The following PCDHA5 variants were observed in gnomAD, a reference collection of about 807,000 sequenced individuals.
PCDHA5 encodes the protein protocadherin alpha 5.
In PCDHA5, 43 loss-of-function variants were observed where a neutral mutation model predicts 61.6. The ratio of observed to expected loss-of-function variants is 0.70; its 90% CI spans 0.55 to 0.90. PCDHA5 has a LOEUF of 0.90. Ranked by LOEUF, PCDHA5 falls within the 40% of genes least tolerant of loss-of-function variation. PCDHA5 has a pLI of 0.00. For synonymous variants in PCDHA5, 627 were observed against 543.9 expected (o/e 1.15, Z -2.13); for missense variants, 1,298 against 1,222.7 (o/e 1.06, Z -0.92).
intron 1 of PCDHA5, chr5:140,850,986 T>C (rs2041915451): frequency 6.9e-7 from 1 of 1,450,124 alleles, no homozygotes; most frequent in South Asian, 1.6e-5. Context: ...TTTATTCATT[T>C]TTCTAGAAAT....
Position 140,855,963 on chromosome 5 carries a change from A to T in PCDHA5, c.2352+31836A>T, listed in dbSNP as rs1291137660. The stretch of plus-strand genomic sequence containing the variant: ...TCTCAGCCATTTCGATAAAAAATAG[A>T]TATAAGAAATAGGACAGAAAATGTC... On this transcript the variant is annotated intron_variant, in intron 1 of 3. Transcript: ENST00000529859. The T allele has an allele frequency of 2.8e-6, 4 of 1,404,280 alleles. No individual in the cohort carries two copies. In the African/African-American group the frequency reaches 5.7e-5, roughly 20 times the overall value. The allele number at this position is 1,404,280 out of a possible 1,614,324, so 87.0% of individuals were successfully genotyped here. A position where few individuals can be genotyped will look rare whatever the true frequency, so the allele number is the denominator to read the frequency against.
intron 3 of PCDHA5, among the ~76,000 whole-genome samples, chr5:140,987,981 ACT>A (rs2153869731): frequency 6.6e-6 from 1 of 152,028 alleles, no homozygotes; most frequent in African/African-American, 2.4e-5. Context: ...CTCCATGGAG[ACT>A]CCATCTCTGA....
chr5:140,957,827 T>C (rs2095387768), intron 1 of PCDHA5, among the ~76,000 whole-genome samples: 1 of 150,810 alleles, frequency 6.6e-6, no homozygotes, highest in Admixed American at 6.7e-5. Flanking sequence ...TAAGAGAAAG[T>C]GTTAATTGAT....
chr5:140,848,761 G>C lies in PCDHA5; in HGVS notation c.2352+24634G>C, dbSNP rs200597765. 1.3e-5 allele frequency: 21 copies of C among 1,593,458 alleles called. No individual in the cohort carries two copies. In the South Asian group the frequency reaches 2.2e-4, roughly 17 times the overall value. On this transcript the variant is annotated intron_variant, in intron 1 of 3. Coordinates refer to ENST00000529859, the MANE Select transcript of PCDHA5 (RefSeq NM_018908.3). Reference sequence around the variant, plus strand: ...AATGGCATTTTGTTTGTGAATTCTCGGATCGACCGCGAGGAGCTGTGCGGG... The same window carrying C: ...AATGGCATTTTGTTTGTGAATTCTCCGATCGACCGCGAGGAGCTGTGCGGG...
rs369786229 is a variant in PCDHA5 at position 140,858,286 on chromosome 5, G to T, written c.2352+34159G>T. ...TGTGCTCTAGCGCGGTGGGGAGCTGGTCTTACTCGCAGCAGAGGCGGCAGA... is the reference window on the plus strand; with the variant it reads ...TGTGCTCTAGCGCGGTGGGGAGCTGTTCTTACTCGCAGCAGAGGCGGCAGA... On this transcript the variant is annotated intron_variant, in intron 1 of 3. Coordinates refer to ENST00000529859, the MANE Select transcript of PCDHA5 (RefSeq NM_018908.3). 5.0e-6 allele frequency: 8 copies of T among 1,597,506 alleles called. 1 individual carries two copies. Among genetic ancestry groups the T allele is most frequent in the Non-Finnish European group, 6.9e-6 (8 of 1,167,336 alleles).
intron 1 of PCDHA5, among the ~76,000 whole-genome samples, chr5:140,941,223 C>CTT (rs1276732463): frequency 3.0e-5 from 4 of 132,446 alleles, no homozygotes; most frequent in African/African-American, 1.2e-4. Context: ...TCCTTTCTTT[C>CTT]TTTCTTTCTT....
rs2150227413 is a variant in PCDHA5 at position 140,834,821 on chromosome 5, G to A, written c.2352+10694G>A. ...GGAATCTGTTCATCGCGGAATCCAG[G>A]CCGCTTGACTCTCGGTTTCCACTAG... On this transcript the variant is annotated intron_variant, in intron 1 of 3. Coordinates refer to ENST00000529859, the MANE Select transcript of PCDHA5 (RefSeq NM_018908.3). 167 of 1,612,344 alleles carry A rather than the reference G, an allele frequency of 1.0e-4. No homozygotes were observed. The East Asian group carries it at 3.7e-3, about 36-fold the overall frequency.
At chr5:140,900,575 C>A (rs994036757) in intron 1 of PCDHA5, among the ~76,000 whole-genome samples, 5 of 152,330 alleles carry the variant, frequency 3.3e-5, no homozygotes, top group African/African-American at 1.2e-4. Flanking sequence ...CGGCACCGGC[C>A]CATTTTCTTT....
intron 1 of PCDHA5, 52 bp from the exon 2 acceptor site, chr5:140,978,897 G>T: frequency 6.2e-7 from 1 of 1,612,776 alleles, no homozygotes; most frequent in Non-Finnish European, 8.5e-7. Context: ...AGCATTCCTG[G>T]GAGAACATTG....
Position 140,918,963 on chromosome 5 carries a change from A to C in PCDHA5, c.2353-59986A>C, listed in dbSNP as rs74470631. ...TAATATCCTGAACAGACTAAGACAGATATCGTTTAGGTTAGTTGGTTTTTA... is the reference window on the plus strand; with the variant it reads ...TAATATCCTGAACAGACTAAGACAGCTATCGTTTAGGTTAGTTGGTTTTTA... On this transcript the variant is annotated intron_variant, in intron 1 of 3. Transcript: ENST00000529859. Among the ~76,000 whole-genome samples the C allele has an allele frequency of 4.6e-3, 702 of 152,330 alleles. 2 individuals are homozygous for C. Among genetic ancestry groups the C allele is most frequent in the African/African-American group, 0.016 (679 of 41,576 alleles).
In PCDHA5 at chr5:140,821,965, C is replaced by G; in HGVS notation, c.190C>G (p.Arg64Gly). ...GGCGGAGCTGGTGCCGCGCCTGTTCCGGGTGGCGTCCAAGGGCCGCGGGGA... is the reference window on the plus strand; with the variant it reads ...GGCGGAGCTGGTGCCGCGCCTGTTCGGGGTGGCGTCCAAGGGCCGCGGGGA... ...ELAELVPRLF[R>G]VASKGRGDLL... Residue 64 changes from arginine to glycine, a missense_variant, in exon 1 of 4, where the codon CGG becomes GGG. Coordinates refer to ENST00000529859, the MANE Select transcript of PCDHA5 (RefSeq NM_018908.3). 2 of 1,614,158 alleles carry G rather than the reference C, an allele frequency of 1.2e-6. No homozygotes were observed. Among genetic ancestry groups the G allele is most frequent in the East Asian group, 4.5e-5 (2 of 44,878 alleles).
Position 140,822,923 on chromosome 5 carries a change from A to G in PCDHA5, c.1148A>G (p.Gln383Arg), listed in dbSNP as rs2150120429. The change falls in exon 1 of 4, where the codon CAG (glutamine) becomes CGG (arginine). Residue 383 changes from glutamine to arginine, a missense_variant. Physicochemically the swap from Gln to Arg is conservative, Grantham distance 43 (BLOSUM62 1). Coordinates refer to ENST00000529859, the MANE Select transcript of PCDHA5 (RefSeq NM_018908.3). ...GACCGTGACTCAGGTGCCAACGGGCAGGTGACCTGCTCCCTAATGCCCCAC... is the reference window on the plus strand; with the variant it reads ...GACCGTGACTCAGGTGCCAACGGGCGGGTGACCTGCTCCCTAATGCCCCAC... ...VSDRDSGANG[Q>R]VTCSLMPHVP... is the part of the protein sequence containing the mutation. 3 of 1,614,152 alleles carry G rather than the reference A, an allele frequency of 1.9e-6. No individual in the cohort carries two copies. Among genetic ancestry groups the G allele is most frequent in the South Asian group, 2.2e-5 (2 of 91,094 alleles).
At chr5:140,905,202 T>C (rs1554191944) in intron 1 of PCDHA5, among the ~76,000 whole-genome samples, 1 of 152,196 alleles carries the variant, frequency 6.6e-6, no homozygotes, top group Non-Finnish European at 1.5e-5. Flanking sequence ...CCATCTTGAG[T>C]TGATTTTTGT....
intron 1 of PCDHA5, chr5:140,875,239 A>G (rs1008116554): frequency 1.1e-6 from 1 of 915,946 alleles, no homozygotes; most frequent in Non-Finnish European, 1.5e-6. Flanking sequence ...TCTTGTACTT[A>G]CATAATCAGT....
At chr5:140,849,627 G>C in intron 1 of PCDHA5, 1 of 1,598,784 alleles carries the variant, frequency 6.3e-7, no homozygotes, top group Non-Finnish European at 8.6e-7. Context: ...GATCGACCTA[G>C]ACGCAGATGC....
At chr5:140,861,466 TG>T in intron 1 of PCDHA5, 1 of 493,934 alleles carries the variant, frequency 2.0e-6, no homozygotes, top group Admixed American at 2.1e-5. Flanking sequence ...GAGGTAAATC[TG>T]CAGAATGGCA....
intron 1 of PCDHA5, chr5:140,882,409 C>A: frequency 6.2e-7 from 1 of 1,614,158 alleles, no homozygotes; most frequent in Non-Finnish European, 8.5e-7. Flanking sequence ...TCGTGGGCCG[C>A]ATCGCTCAGG....
At chr5:140,996,094 T>C (rs1428375932) in intron 3 of PCDHA5, among the ~76,000 whole-genome samples, 1 of 152,192 alleles carries the variant, frequency 6.6e-6, no homozygotes, top group Non-Finnish European at 1.5e-5. Flanking sequence ...CTAGATTACA[T>C]GGAATGGTAT....
intron 1 of PCDHA5, among the ~76,000 whole-genome samples, chr5:140,956,166 C>T (rs180917985): frequency 7.2e-5 from 11 of 152,232 alleles, no homozygotes; most frequent in Non-Finnish European, 1.5e-4. Flanking sequence ...TTGCCATAGC[C>T]AGAACTTCCA....
Sources: allele counts gnomAD v4.1 joint callset (sites outside exome capture counted in the v4.1 genomes callset), GRCh38; gene constraint gnomAD v4.1.1; transcripts MANE v1.5; gene names NCBI Gene and HGNC (gene_info 2026-07-23, HGNC 2026-07-21).